The following ARMH4 variants were observed in gnomAD, a reference collection of about 807,000 sequenced individuals.
The protein encoded by ARMH4 is armadillo like helical domain containing 4.
A neutral mutation model predicts 61.9 loss-of-function variants in ARMH4; 49 were observed. The ratio of observed to expected loss-of-function variants is 0.79; its 90% CI spans 0.63 to 1.00. ARMH4 has a LOEUF of 1.00. Among genes scored for constraint, ARMH4 ranks in the 50% least tolerant of loss-of-function variants. The pLI, the probability that ARMH4 is intolerant of heterozygous loss-of-function variation, is 0.00. For synonymous variants in ARMH4, 368 were observed against 341.5 expected, an observed-to-expected ratio of 1.08 and a Z score of -0.85; for missense variants, 934 against 930.0, an observed-to-expected ratio of 1.00 and a Z score of -0.06.
chr14:58,052,338 C>T (rs1652604990), intron 5 of ARMH4, among the ~76,000 whole-genome samples: 1 of 152,202 alleles, frequency 6.6e-6, no homozygotes, highest in African/African-American at 2.4e-5. Flanking sequence ...ATCTTACACA[C>T]ATCTCACACA....
chr14:58,019,755 C>T (rs1459959066), intron 5 of ARMH4, among the ~76,000 whole-genome samples: 1 of 152,066 alleles, frequency 6.6e-6, no homozygotes, highest in African/African-American at 2.4e-5. Flanking sequence ...CACGCCACTG[C>T]ACTCCAGCCT....
At chr14:58,043,743 C>A (rs1436502086) in intron 5 of ARMH4, among the ~76,000 whole-genome samples, 1 of 152,142 alleles carries the variant, frequency 6.6e-6, no homozygotes, top group South Asian at 2.1e-4. Context: ...AGCTGATAGG[C>A]AACTTCAGCA....
intron 5 of ARMH4, among the ~76,000 whole-genome samples, chr14:58,056,987 C>A (rs1884368417): frequency 6.6e-6 from 1 of 152,114 alleles, no homozygotes; most frequent in South Asian, 2.1e-4. Flanking sequence ...CCAACCATAC[C>A]CCAGACATCA....
chr14:58,125,126 G>A (rs1268557827), intron 4 of ARMH4, among the ~76,000 whole-genome samples: 1 of 151,786 alleles, frequency 6.6e-6, no homozygotes, highest in African/African-American at 2.4e-5. Flanking sequence ...GAAAATAGAA[G>A]GAAACCACCA....
intron 5 of ARMH4, among the ~76,000 whole-genome samples, chr14:58,024,552 G>A (rs1215452709): frequency 6.6e-6 from 1 of 152,180 alleles, no homozygotes; most frequent in Non-Finnish European, 1.5e-5. Context: ...TATCATTTGT[G>A]TGTGCACTAG....
At chr14:58,043,340 C>A (rs1456836674) in intron 5 of ARMH4, among the ~76,000 whole-genome samples, 4 of 151,984 alleles carry the variant, frequency 2.6e-5, no homozygotes, top group Non-Finnish European at 5.9e-5. Context: ...ATAAACAGAA[C>A]CAATGACAAA....
chr14:58,051,639 A>G (rs1440216347), intron 5 of ARMH4, among the ~76,000 whole-genome samples: 1 of 152,228 alleles, frequency 6.6e-6, no homozygotes. Flanking sequence ...ATAAGTCATT[A>G]TCTGTTACAC....
intron 5 of ARMH4, among the ~76,000 whole-genome samples, chr14:58,042,400 A>G (rs1356457347): frequency 1.3e-5 from 2 of 152,228 alleles, no homozygotes; most frequent in Non-Finnish European, 2.9e-5. Context: ...TTTAAAACCA[A>G]TGAGAACAAA....
rs190924539 is a variant in ARMH4 at position 58,027,709 on chromosome 14, A to G, written c.2090-15559T>C. 7.6e-4 allele frequency among the ~76,000 whole-genome samples: 115 copies of G among 152,294 alleles called. 1 individual carries two copies. The highest frequency in any genetic ancestry group is 3.4e-3 in the Middle Eastern group (1 of 294). On this transcript the variant is annotated intron_variant, in intron 5 of 7. Coordinates refer to ENST00000267485, the MANE Select transcript of ARMH4 (RefSeq NM_001001872.4). The stretch of plus-strand genomic sequence containing the variant: ...AAGACAGTAGATGTTAAGTGTTCCT[A>G]CAACAAGTAATAATAATAAAGGGGA...
chr14:58,077,422 G>T (rs1356123779), intron 5 of ARMH4, among the ~76,000 whole-genome samples: 1 of 152,094 alleles, frequency 6.6e-6, no homozygotes, highest in African/African-American at 2.4e-5. Flanking sequence ...TAGGCAACAT[G>T]GTGAGACCCC....
At chr14:58,013,856 TC>T (rs1313122961) in intron 5 of ARMH4, among the ~76,000 whole-genome samples, 1 of 151,886 alleles carries the variant, frequency 6.6e-6, no homozygotes, top group Non-Finnish European at 1.5e-5. Flanking sequence ...AAACCCCGTC[TC>T]TACTAAAAAT....
intron 5 of ARMH4, among the ~76,000 whole-genome samples, chr14:58,069,236 T>C (rs1335776687): frequency 3.9e-5 from 6 of 152,194 alleles, no homozygotes; most frequent in Non-Finnish European, 5.9e-5. Context: ...CTTCCACCCA[T>C]GCATGTATGC....
chr14:58,002,350 C>T lies in ARMH4; in HGVS notation c.*2386G>A, dbSNP rs183813740. ...TTAAATGGGTTTGTACAGAAATGTA[C>T]TCTAAGTATAATCTTTTCCTTTAAG... On this transcript the variant is annotated 3_prime_UTR_variant, in exon 8 of 8. Coordinates refer to ENST00000267485, the MANE Select transcript of ARMH4 (RefSeq NM_001001872.4). The T allele has an allele frequency of 6.6e-6, 1 of 152,266 alleles. No homozygotes were observed. Among genetic ancestry groups the T allele is most frequent in the Admixed American group, 6.5e-5 (1 of 15,296 alleles). 9.4% of individuals were successfully genotyped at this position (152,266 alleles called of 1,614,324 possible). A position where few individuals can be genotyped will look rare whatever the true frequency, so the allele number is the denominator to read the frequency against.
chr14:58,032,153 C>CA (rs1555336544), intron 5 of ARMH4, among the ~76,000 whole-genome samples: 1 of 152,140 alleles, frequency 6.6e-6, no homozygotes, highest in Non-Finnish European at 1.5e-5. Context: ...CTGGGCCCTA[C>CA]ACTAGATCTC....
chr14:58,133,189 G>C lies in ARMH4; in HGVS notation c.1522C>G (p.Pro508Ala), dbSNP rs1251301764. The part of the protein sequence containing the change: ...KEDPSPVSDV[P>A]GVTQLSRRWE... ...CTTCTTGACAGCTGAGTAACACCAG[G>C]AACGTCAGACACAGGAGAGGGGTCC... is the stretch of plus-strand genomic sequence containing the variant. The change falls in exon 3 of 8, where the codon CCT (proline) becomes GCT (alanine). Residue 508 changes from proline to alanine, a missense_variant. Coordinates refer to ENST00000267485, the MANE Select transcript of ARMH4 (RefSeq NM_001001872.4). The C allele has an allele frequency of 6.2e-7, 1 of 1,614,138 alleles. No individual in the cohort carries two copies. Among genetic ancestry groups the C allele is most frequent in the East Asian group, 2.2e-5 (1 of 44,860 alleles).
chr14:58,120,394 C>T (rs992788120), intron 4 of ARMH4, among the ~76,000 whole-genome samples: 1 of 152,006 alleles, frequency 6.6e-6, no homozygotes, highest in African/African-American at 2.4e-5. Flanking sequence ...GGGGTATACA[C>T]CAATCCAGTG....
intron 1 of ARMH4, among the ~76,000 whole-genome samples, chr14:58,143,243 G>A (rs1887623222): frequency 6.6e-6 from 1 of 152,176 alleles, no homozygotes; most frequent in African/African-American, 2.4e-5. Flanking sequence ...ATGACAGCAC[G>A]AGTACAATAG....
At chr14:58,089,692 T>A (rs2141253632) in intron 5 of ARMH4, among the ~76,000 whole-genome samples, 1 of 152,342 alleles carries the variant, frequency 6.6e-6, no homozygotes, top group Middle Eastern at 3.4e-3. Flanking sequence ...CACGTATCAA[T>A]GCAAAGGAAG....
rs1882055000 is a variant in ARMH4, at chr14:58,003,601, G to A, written c.*1135C>T. ...CATTGGAATATCCTATTTTGTATAGGGCAGGGAATTACATTCCAAGGGAGA... is the reference window on the plus strand; with the variant it reads ...CATTGGAATATCCTATTTTGTATAGAGCAGGGAATTACATTCCAAGGGAGA... On this transcript the variant is annotated 3_prime_UTR_variant, in exon 8 of 8. Transcript: ENST00000267485. 6.6e-6 allele frequency: 1 copy of A among 152,110 alleles called. No individual in the cohort carries two copies. The highest frequency in any genetic ancestry group is 2.4e-5 in the African/African-American group (1 of 41,398). 9.4% of individuals were successfully genotyped at this position (152,110 alleles called of 1,614,324 possible). A position where few individuals can be genotyped will look rare whatever the true frequency, so the allele number is the denominator to read the frequency against.
Sources: gnomAD v4.1 joint callset for allele counts (sites outside exome capture counted in the v4.1 genomes callset) on GRCh38, gnomAD v4.1.1 for gene constraint, MANE v1.5 for transcripts, NCBI Gene and HGNC (gene_info 2026-07-23, HGNC 2026-07-21) for gene names.